Variants in SELENON observed in about 807,000 individuals in gnomAD.
SELENON encodes selenoprotein N.
A neutral mutation model predicts 59.5 loss-of-function variants in SELENON; 44 were observed. The observed-to-expected ratio is 0.74, with a 90% CI of 0.58 to 0.95. SELENON has a LOEUF of 0.95. Among genes scored for constraint, SELENON ranks in the 40% least tolerant of loss-of-function variants. SELENON has a pLI of 0.00. For synonymous variants in SELENON, 320 were observed against 305.6 expected (o/e 1.05, Z -0.49); for missense variants, 674 against 721.4 (o/e 0.93, Z 0.75).
intron 4 of SELENON, 146 bp downstream of exon 3, chr1:25,805,421 G>C (rs1179444456): frequency 3.0e-5 from 33 of 1,103,708 alleles, no homozygotes; most frequent in Non-Finnish European, 4.4e-5. Flanking sequence ...TGTCCCTGCT[G>C]TCCAGGCATA....
chr1:25,800,319 C>T lies in SELENON; in HGVS notation c.89C>T (p.Ser30Phe), dbSNP rs1197675789. Reference sequence around the variant, plus strand: ...GCGCCACCGCGCCGCCGCGCCCGTTCCCTGGCGCTGCTCGGAGCCCTGCTG... The same window carrying T: ...GCGCCACCGCGCCGCCGCGCCCGTTTCCTGGCGCTGCTCGGAGCCCTGCTG... Residue 30 changes from serine to phenylalanine, a missense_variant, in exon 1 of 13, where the codon TCC becomes TTC. Coordinates refer to ENST00000361547, the MANE Select transcript of SELENON (RefSeq NM_020451.3). 3 of 1,004,814 alleles carry T rather than the reference C, an allele frequency of 3.0e-6. No individual in the cohort carries two copies. In the East Asian group the frequency reaches 3.2e-4, roughly 107 times the overall value. 62.2% of individuals were successfully genotyped at this position (1,004,814 alleles called of 1,614,324 possible). A position where few individuals can be genotyped will look rare whatever the true frequency, so the allele number is the denominator to read the frequency against.
rs1399936124 is a variant in SELENON, at chr1:25,816,558, A to C, written c.*840A>C. 1.3e-5 allele frequency: 2 copies of C among 152,522 alleles called. No individual in the cohort carries two copies. Among genetic ancestry groups the C allele is most frequent in the African/African-American group, 4.8e-5 (2 of 41,324 alleles). The allele number at this position is 152,522 out of a possible 1,614,324, so 9.4% of individuals were successfully genotyped here. A position where few individuals can be genotyped will look rare whatever the true frequency, so the allele number is the denominator to read the frequency against. On this transcript the variant is annotated 3_prime_UTR_variant, in exon 13 of 13. Coordinates refer to ENST00000361547, the MANE Select transcript of SELENON (RefSeq NM_020451.3). ...ATCCACAGAAGCACAACCCAGCCAA[A>C]CACCACAGCCTTCTCCAGAGCCGGC...
At chr1:25,815,275 G>A (rs917395740) in intron 12 of SELENON, among the ~76,000 whole-genome samples, 5 of 152,068 alleles carry the variant, frequency 3.3e-5, no homozygotes, top group East Asian at 1.9e-4. Flanking sequence ...TTCGGGGGGC[G>A]GGGGCAGAGG....
chr1:25,809,599 C>T, intron 6 of SELENON, 84 bp from the exon 6 acceptor site: 1 of 1,593,470 alleles, frequency 6.3e-7, no homozygotes. Flanking sequence ...TCAGCCTCCT[C>T]TCCCTGATGA....
intron 7 of SELENON, among the ~76,000 whole-genome samples, chr1:25,810,439 CCTAA>C (rs1054682218): frequency 6.6e-6 from 1 of 152,218 alleles, no homozygotes; most frequent in Non-Finnish European, 1.5e-5. Context: ...TGTCCAGATT[CCTAA>C]CTGATAGCAA....
intron 7 of SELENON, among the ~76,000 whole-genome samples, 183 bp from the exon 7 acceptor site, chr1:25,811,271 G>C (rs1249933940): frequency 6.6e-6 from 1 of 152,244 alleles, no homozygotes; most frequent in Non-Finnish European, 1.5e-5. Context: ...GGGGCAGCCT[G>C]GTGGGGAAGA....
intron 12 of SELENON, 42 bp from the exon 12 acceptor site, chr1:25,815,506 G>C (rs1446869252): frequency 4.4e-6 from 7 of 1,600,362 alleles, no homozygotes; most frequent in Middle Eastern, 1.7e-4. Context: ...GAGCCTGGGG[G>C]CCCCCCTCCG....
Position 25,811,705 on chromosome 1 carries a change from C to T in SELENON, c.1107C>T (p.Ala369=). Reference sequence around the variant, plus strand: ...CTCTGGCCCAGATGGAGCTGGAGGCCACGGGCCCCTCTGTGCCCTCCGTGA... The same window carrying T: ...CTCTGGCCCAGATGGAGCTGGAGGCTACGGGCCCCTCTGTGCCCTCCGTGA... Residue 369 remains alanine, a synonymous_variant, in exon 9 of 13, where the codon GCC becomes GCT. Coordinates refer to ENST00000361547, the MANE Select transcript of SELENON (RefSeq NM_020451.3). The T allele has an allele frequency of 6.2e-7, 1 of 1,609,598 alleles. No individual in the cohort carries two copies. The highest frequency in any genetic ancestry group is 1.1e-5 in the South Asian group (1 of 90,576).
chr1:25,815,365 C>G (rs891285213), intron 12 of SELENON, among the ~76,000 whole-genome samples, 183 bp from the exon 12 acceptor site: 1 of 151,378 alleles, frequency 6.6e-6, no homozygotes, highest in Admixed American at 6.6e-5. Flanking sequence ...TCGTCAGACA[C>G]AGGGTGATGA....
intron 12 of SELENON, among the ~76,000 whole-genome samples, chr1:25,815,125 C>T (rs568942602): frequency 2.0e-5 from 3 of 152,268 alleles, no homozygotes; most frequent in East Asian, 1.9e-4. Context: ...GATAAAGACA[C>T]AGCCCCGTGC....
chr1:25,810,894 C>T (rs1210223323), intron 7 of SELENON, among the ~76,000 whole-genome samples: 1 of 152,172 alleles, frequency 6.6e-6, no homozygotes, highest in Non-Finnish European at 1.5e-5. Context: ...GCTCCAGGAC[C>T]AGCTGTTCCT....
At chr1:25,804,358 T>C (rs958500897) in intron 3 of SELENON, among the ~76,000 whole-genome samples, 6 of 152,050 alleles carry the variant, frequency 3.9e-5, no homozygotes, top group Non-Finnish European at 7.4e-5. Flanking sequence ...TGCTAGCCAG[T>C]CAGTCAGCAA....
rs1344471359 is a variant in SELENON at position 25,807,733 on chromosome 1, C to T, written c.538-847C>T. On this transcript the variant is annotated intron_variant, in intron 4 of 12. Transcript: ENST00000361547. This position sits in a 1 kb window ranked among gnomAD's most constrained non-coding sequence, Gnocchi z 4.5. ...AGCTCCCTGCCTGCTTTCCTCCTAC[C>T]TCCCACCAAGCCTGAGCTCCTGCTG... Among the ~76,000 whole-genome samples, 3 of 152,210 alleles carry T rather than the reference C, an allele frequency of 2.0e-5. No homozygotes were observed. Among genetic ancestry groups the T allele is most frequent in the Admixed American group, 2.0e-4 (3 of 15,280 alleles).
At chr1:25,808,953 G>GCTGA (rs2047934340) in intron 5 of SELENON, 73 bp from the exon 5 acceptor site, 9 of 1,611,062 alleles carry the variant, frequency 5.6e-6, no homozygotes, top group Non-Finnish European at 7.6e-6. Context: ...TCGGGTCTGG[G>GCTGA]CTGACCCCCA....
At chr1:25,802,762 G>A (rs1293606434) in intron 3 of SELENON, among the ~76,000 whole-genome samples, 2 of 152,162 alleles carry the variant, frequency 1.3e-5, no homozygotes, top group Non-Finnish European at 1.5e-5. Context: ...ATTATAAAAC[G>A]CTTCTCTCGC....
At chr1:25,806,375 G>A (rs912304187) in intron 4 of SELENON, among the ~76,000 whole-genome samples, 5 of 152,230 alleles carry the variant, frequency 3.3e-5, no homozygotes, top group East Asian at 1.9e-4. Flanking sequence ...GGCCAGGGAC[G>A]GGGCATGTGT....
intron 3 of SELENON, among the ~76,000 whole-genome samples, chr1:25,804,644 G>T (rs914285365): frequency 1.6e-5 from 1 of 61,282 alleles, no homozygotes. Flanking sequence ...TGCCCCCCCC[G>T]CCCCCCCCCC....
In SELENON at chr1:25,815,532, C is replaced by A. The variant is rs958373975; in HGVS notation, c.1603-16C>A. 6.2e-7 allele frequency: 1 copy of A among 1,613,696 alleles called. No individual in the cohort carries two copies. Among genetic ancestry groups the A allele is most frequent in the Non-Finnish European group, 8.5e-7 (1 of 1,179,814 alleles). ...CCCCCCTCCGCCCCACTTGCCTCAC[C>A]CGGCCCTTCTCCCAGGTCCATCACA... On this transcript the variant is annotated splice_polypyrimidine_tract_variant and intron_variant, in intron 12 of 12. Transcript: ENST00000361547.
intron 10 of SELENON, 166 bp from the exon 10 acceptor site, chr1:25,813,715 T>G: frequency 1.5e-6 from 1 of 673,502 alleles, no homozygotes; most frequent in Non-Finnish European, 2.7e-6. Context: ...ATTATTGATG[T>G]TAATTCCAAC....
Sources: allele counts gnomAD v4.1 joint callset (sites outside exome capture counted in the v4.1 genomes callset), GRCh38; gene constraint gnomAD v4.1.1; non-coding constraint Gnocchi (gnomAD v3.1); transcripts MANE v1.5; gene names NCBI Gene and HGNC (gene_info 2026-07-23, HGNC 2026-07-21).